Variants in NKD1 observed in about 807,000 individuals in gnomAD.
The protein encoded by NKD1 is protein naked cuticle homolog 1.
A neutral mutation model predicts 56.0 loss-of-function variants in NKD1; 21 were observed. That is an observed-to-expected ratio of 0.38 (90% CI 0.27 to 0.54). The LOEUF is 0.54. Ranked by LOEUF, NKD1 falls within the 20% of genes least tolerant of loss-of-function variation. The pLI, the probability that NKD1 is intolerant of heterozygous loss-of-function variation, is 0.82. For missense variants in NKD1, 578 were observed against 642.7 expected (o/e 0.90, Z 1.09); for synonymous variants, 263 against 265.7 (o/e 0.99, Z 0.10).
In NKD1 at chr16:50,562,990, C is replaced by G. The variant is rs5006960; in HGVS notation, c.192+13435C>G. ...GGGCTGCTAGGTCCCACCACCACCC[C>G]CCCCCCCCGCCGTAGAATGGGTAGA... On this transcript the variant is annotated intron_variant, in intron 3 of 9. Transcript: ENST00000268459. Among the ~76,000 whole-genome samples, 56 of 110,044 alleles carry G rather than the reference C, an allele frequency of 5.1e-4. 10 individuals are homozygous for G. Among genetic ancestry groups the G allele is most frequent in the Admixed American group, 1.3e-3 (15 of 11,388 alleles). 72.2% of individuals were successfully genotyped at this position (110,044 alleles called of 152,430 possible). A position where few individuals can be genotyped will look rare whatever the true frequency, so the allele number is the denominator to read the frequency against.
Position 50,611,812 on chromosome 16 carries a change from C to T in NKD1, c.259+3452C>T, listed in dbSNP as rs117852048. On this transcript the variant is annotated intron_variant, in intron 4 of 9. Coordinates refer to ENST00000268459, the MANE Select transcript of NKD1 (RefSeq NM_033119.5). ...TGTGGCTCAACTTCCTCACTGGGTT[C>T]CTTGTAGCACTTCTTTGCCAGGGTT... Among the ~76,000 whole-genome samples the T allele has an allele frequency of 7.9e-3, 1,204 of 152,268 alleles. 5 individuals are homozygous for T. Among genetic ancestry groups the T allele is most frequent in the Non-Finnish European group, 0.013 (892 of 68,014 alleles).
intron 3 of NKD1, chr16:50,572,911 T>G (rs1960915232): frequency 1.0e-6 from 1 of 981,440 alleles, no homozygotes; most frequent in Non-Finnish European, 1.2e-6. Context: ...ACCTGCCCCG[T>G]GCAGAAGAGG....
chr16:50,605,354 A>G (rs1961682092), intron 3 of NKD1, among the ~76,000 whole-genome samples: 2 of 152,140 alleles, frequency 1.3e-5, no homozygotes, highest in South Asian at 4.1e-4. Context: ...TAATGATTAT[A>G]CCTCTCGCTT....
intron 3 of NKD1, chr16:50,574,869 G>A: frequency 1.0e-6 from 1 of 985,464 alleles, no homozygotes; most frequent in Non-Finnish European, 1.2e-6. Context: ...GCCATGGTCT[G>A]TGAACACCCA....
In NKD1 at chr16:50,563,433, G is replaced by A. The variant is rs139809573; in HGVS notation, c.192+13878G>A. Among the ~76,000 whole-genome samples the A allele has an allele frequency of 1.7e-3, 254 of 151,428 alleles. 1 individual carries two copies. Among genetic ancestry groups the A allele is most frequent in the African/African-American group, 5.5e-3 (228 of 41,198 alleles). ...TCAGTGGGCACAGCCCTGGACCCAT[G>A]GAGAAGACCCTGTGTGTCAGGCTAA... On this transcript the variant is annotated intron_variant, in intron 3 of 9. Coordinates refer to ENST00000268459, the MANE Select transcript of NKD1 (RefSeq NM_033119.5).
chr16:50,633,502 G>C lies in NKD1; in HGVS notation c.1134G>C (p.Val378=). The change falls in exon 10 of 10, where the codon GTG becomes GTC. Residue 378 remains valine (V), a synonymous_variant. Coordinates refer to ENST00000268459, the MANE Select transcript of NKD1 (RefSeq NM_033119.5). The surrounding 1 kb of genome is among the most constrained non-coding windows in gnomAD (Gnocchi z 4.9). ...CTCTGGGACCCGCCATCCCTGCGGTGTCCCCCTCCGCCCACCTGGCTGCCA... is the reference window on the plus strand; with the variant it reads ...CTCTGGGACCCGCCATCCCTGCGGTCTCCCCCTCCGCCCACCTGGCTGCCA... ...KPPLGPAIPA[V]SPSAHLAASP... 1 of 1,610,314 alleles carries C rather than the reference G, an allele frequency of 6.2e-7. No individual in the cohort carries two copies. The highest frequency in any genetic ancestry group is 8.5e-7 in the Non-Finnish European group (1 of 1,178,710).
chr16:50,585,838 C>T (rs750745705), intron 3 of NKD1, among the ~76,000 whole-genome samples: 15 of 152,286 alleles, frequency 9.8e-5, no homozygotes, highest in Middle Eastern at 3.4e-3. Context: ...GTGTCACAGA[C>T]GTGCTGATCA....
At chr16:50,590,829 T>C (rs549200902) in intron 3 of NKD1, among the ~76,000 whole-genome samples, 1 of 152,246 alleles carries the variant, frequency 6.6e-6, no homozygotes, top group South Asian at 2.1e-4. Context: ...TTGTTGTTGT[T>C]GTTGTTGAGA....
rs375131142 is a variant in NKD1, at chr16:50,648,674, A to G, written c.*14893A>G. The G allele has an allele frequency of 7.2e-5, 11 of 152,346 alleles. No individual in the cohort carries two copies. The East Asian group carries it at 1.7e-3, about 24-fold the overall frequency. The allele number at this position is 152,346 out of a possible 1,614,324, so 9.4% of individuals were successfully genotyped here. On this transcript the variant is annotated 3_prime_UTR_variant, in exon 10 of 10. Transcript: ENST00000268459. ...TCTGATTTTGAGCCCAAGAATAAAG[A>G]CTACAGTTCTCAGACTCCTTCGCAA...
In NKD1 at chr16:50,623,874, A is replaced by G. The variant is rs1962150855; in HGVS notation, c.367-1611A>G. ...TGCGTGTGTGTGTGTGTGTAGGGGT[A>G]TGTATGTAGGCACGTGTGTCATGCC... is the stretch of plus-strand genomic sequence containing the variant. On this transcript the variant is annotated intron_variant, in intron 5 of 9. Transcript: ENST00000268459. The surrounding 1 kb of genome is among the most constrained non-coding windows in gnomAD (Gnocchi z 4.1). 6.6e-6 allele frequency among the ~76,000 whole-genome samples: 1 copy of G among 151,270 alleles called. No individual in the cohort carries two copies. Among genetic ancestry groups the G allele is most frequent in the Non-Finnish European group, 1.5e-5 (1 of 67,814 alleles).
intron 3 of NKD1, chr16:50,606,425 G>C: frequency 4.0e-6 from 1 of 252,350 alleles, no homozygotes; most frequent in Non-Finnish European, 8.0e-6. Context: ...GAGCTTTCCA[G>C]TGTTCTCCAG....
chr16:50,575,262 C>T (rs963262151), intron 3 of NKD1: 17 of 985,234 alleles, frequency 1.7e-5, no homozygotes, highest in African/African-American at 1.6e-4. Context: ...TCTGGGGTAA[C>T]GTTGGCACTA....
chr16:50,548,957 G>A, intron 2 of NKD1: 1 of 930,758 alleles, frequency 1.1e-6, no homozygotes, highest in Non-Finnish European at 1.2e-6. Flanking sequence ...CGCTCCCACC[G>A]CTGACCCTCA....
chr16:50,549,538 A>G lies in NKD1; in HGVS notation c.175A>G (p.Ile59Val). ...CCGACAGCTGCGGTTGGCGGGCACC[A>G]TAGGCCGAAGCACCCGGGTATGATT... ...GPRQLRLAGT[I>V]GRSTRELVGD... Residue 59 changes from isoleucine (I) to valine (V), a missense_variant, in exon 3 of 10, where the codon ATA becomes GTA. By Grantham distance (29) the Ile-to-Val change is conservative (BLOSUM62 3). Coordinates refer to ENST00000268459, the MANE Select transcript of NKD1 (RefSeq NM_033119.5). The G allele has an allele frequency of 6.2e-7, 1 of 1,600,342 alleles. No homozygotes were observed.
rs1450842960 is a variant in NKD1, at chr16:50,548,463, G to C, written c.-91G>C. ...GCCTCGGGCTCCGCTCGGCTCGGGG[G>C]CTGCTTCGGGAGGAGGAGAGCCAAG... On this transcript the variant is annotated 5_prime_UTR_variant, in exon 1 of 10. Transcript: ENST00000268459. 4.8e-6 allele frequency: 5 copies of C among 1,049,302 alleles called. No homozygotes were observed. In the East Asian group the frequency reaches 1.7e-4, roughly 37 times the overall value. 65.0% of individuals were successfully genotyped at this position (1,049,302 alleles called of 1,614,324 possible).
At chr16:50,611,597 A>G (rs141321979) in intron 4 of NKD1, among the ~76,000 whole-genome samples, 1 of 152,262 alleles carries the variant, frequency 6.6e-6, no homozygotes, top group African/African-American at 2.4e-5. Context: ...AGCAGTGTTA[A>G]GACTGAGGCC....
intron 2 of NKD1, chr16:50,548,973 T>A: frequency 1.3e-6 from 1 of 768,022 alleles, no homozygotes; most frequent in Non-Finnish European, 1.5e-6. Flanking sequence ...CCTCAACCCC[T>A]CCCCCTCCCG....
chr16:50,591,064 C>A (rs2151271894), intron 3 of NKD1, among the ~76,000 whole-genome samples: 1 of 152,244 alleles, frequency 6.6e-6, no homozygotes, highest in African/African-American at 2.4e-5. Context: ...CTCAAGTCAT[C>A]TGCCTGCCTC....
rs559875934 is a variant in NKD1 at position 50,647,405 on chromosome 16, T to A, written c.*13624T>A. 1.1e-4 allele frequency: 17 copies of A among 152,240 alleles called. No homozygotes were observed. Among genetic ancestry groups the A allele is most frequent in the Non-Finnish European group, 2.1e-4 (14 of 68,052 alleles). The allele number at this position is 152,240 out of a possible 1,614,324, so 9.4% of individuals were successfully genotyped here. ...GGGAATGATGTTGAGCAAGCACTTATACATGACCTGGCAGCCACCCAGCAT... is the reference window on the plus strand; with the variant it reads ...GGGAATGATGTTGAGCAAGCACTTAAACATGACCTGGCAGCCACCCAGCAT... On this transcript the variant is annotated 3_prime_UTR_variant, in exon 10 of 10. Transcript: ENST00000268459.
Sources: gnomAD v4.1 joint callset for allele counts (sites outside exome capture counted in the v4.1 genomes callset) on GRCh38, gnomAD v4.1.1 for gene constraint, Gnocchi (gnomAD v3.1) non-coding constraint, MANE v1.5 for transcripts, NCBI Gene and HGNC (gene_info 2026-07-23, HGNC 2026-07-21) for gene names.